NCAM2: variants seen among roughly 807,000 people sequenced by gnomAD.
NCAM2 encodes neural cell adhesion molecule 2.
A neutral mutation model predicts 98.1 loss-of-function variants in NCAM2; 30 were observed. That is an observed-to-expected ratio of 0.31 (90% CI 0.23 to 0.41). NCAM2 has a LOEUF of 0.41. NCAM2 is among the 10% of genes least tolerant of loss of function. NCAM2 has a pLI of 1.00. For synonymous variants in NCAM2, 368 were observed against 342.4 expected (o/e 1.07, Z -0.83); for missense variants, 867 against 1,005.8 (o/e 0.86, Z 1.87).
intron 1 of NCAM2, among the ~76,000 whole-genome samples, chr21:21,272,963 C>CACACACACACACAT (rs1555850124): frequency 8.4e-6 from 1 of 118,424 alleles, no homozygotes; most frequent in Non-Finnish European, 1.8e-5. Context: ...CACACACACA[C>CACACACACACACAT]GGGACATGCA....
At chr21:21,452,509 T>C (rs1190874508) in intron 12 of NCAM2, among the ~76,000 whole-genome samples, 1 of 131,076 alleles carries the variant, frequency 7.6e-6, no homozygotes, top group Admixed American at 9.3e-5. Flanking sequence ...ATATAATATA[T>C]AATATATAAA....
intron 1 of NCAM2, among the ~76,000 whole-genome samples, chr21:21,219,363 T>A (rs1465952979): frequency 2.6e-5 from 4 of 152,202 alleles, no homozygotes; most frequent in Non-Finnish European, 5.9e-5. Context: ...CAACTTAAAT[T>A]GTTTCTACTC....
At chr21:21,459,451 TATATATA>T (rs1982634631) in intron 12 of NCAM2, among the ~76,000 whole-genome samples, 1 of 148,506 alleles carries the variant, frequency 6.7e-6, no homozygotes, top group Non-Finnish European at 1.5e-5. Context: ...ATATTTATAA[TATATATA>T]ATATATATAC....
chr21:21,446,887 C>A (rs913734861), intron 12 of NCAM2, among the ~76,000 whole-genome samples: 1 of 152,022 alleles, frequency 6.6e-6, no homozygotes, highest in Non-Finnish European at 1.5e-5. Flanking sequence ...AAACCACTCT[C>A]AAGGAAATAA....
At chr21:21,139,655 T>G (rs2067127532) in intron 1 of NCAM2, among the ~76,000 whole-genome samples, 1 of 152,232 alleles carries the variant, frequency 6.6e-6, no homozygotes, top group African/African-American at 2.4e-5. Context: ...ATTTTTGGAA[T>G]TTTTACATTC....
chr21:21,530,008 T>A (rs995916517), intron 16 of NCAM2, among the ~76,000 whole-genome samples: 4 of 148,622 alleles, frequency 2.7e-5, no homozygotes, highest in African/African-American at 9.8e-5. Flanking sequence ...AATATTTTAG[T>A]TTCAAAAGCA....
chr21:21,031,200 C>G (rs944974004), intron 1 of NCAM2, among the ~76,000 whole-genome samples: 14 of 152,200 alleles, frequency 9.2e-5, no homozygotes, highest in African/African-American at 2.6e-4. Context: ...AGCTAACATG[C>G]ATTGTTTTAC....
At chr21:21,445,405 G>A (rs1441516600) in intron 12 of NCAM2, among the ~76,000 whole-genome samples, 5 of 152,080 alleles carry the variant, frequency 3.3e-5, no homozygotes, top group African/African-American at 9.7e-5. Flanking sequence ...TTTCTGTCTT[G>A]TTGATTTGTC....
At chr21:21,455,202 C>A in intron 12 of NCAM2, among the ~76,000 whole-genome samples, 1 of 122,356 alleles carries the variant, frequency 8.2e-6, no homozygotes, top group Non-Finnish European at 1.7e-5. Context: ...TAAAAGGAAA[C>A]CTATTGGCAA....
At chr21:21,338,301 TAGTA>T (rs1266602783) in intron 7 of NCAM2, 84 bp from the exon 8 acceptor site, 1 of 1,219,454 alleles carries the variant, frequency 8.2e-7, no homozygotes, top group Non-Finnish European at 1.2e-6. Context: ...TACTATACTA[TAGTA>T]GACTTAAACA....
chr21:21,094,900 T>C (rs2066089240), intron 1 of NCAM2, among the ~76,000 whole-genome samples: 1 of 151,732 alleles, frequency 6.6e-6, no homozygotes, highest in African/African-American at 2.4e-5. Flanking sequence ...ATGAAGAATA[T>C]TGGTATATAT....
At chr21:21,236,236 A>G (rs1275057037) in intron 1 of NCAM2, among the ~76,000 whole-genome samples, 2 of 152,118 alleles carry the variant, frequency 1.3e-5, no homozygotes, top group African/African-American at 4.8e-5. Flanking sequence ...GACATTGATC[A>G]TAATCATAAA....
chr21:21,123,571 A>G (rs1039086921), intron 1 of NCAM2, among the ~76,000 whole-genome samples: 1 of 152,120 alleles, frequency 6.6e-6, no homozygotes, highest in Non-Finnish European at 1.5e-5. Context: ...TCAACCTGCA[A>G]TGTTGTAAGA....
At chr21:21,310,933 A>G (rs553940318) in intron 5 of NCAM2, among the ~76,000 whole-genome samples, 2 of 152,332 alleles carry the variant, frequency 1.3e-5, no homozygotes, top group African/African-American at 4.8e-5. Flanking sequence ...ACAGCTTTAT[A>G]GTAAGTCCCA....
chr21:21,512,791 A>C (rs1212146219), intron 16 of NCAM2, among the ~76,000 whole-genome samples: 6 of 151,904 alleles, frequency 3.9e-5, no homozygotes, highest in African/African-American at 1.4e-4. Context: ...CATTGTAGAG[A>C]TGTTTTACTT....
chr21:21,264,667 A>G (rs919608193), intron 1 of NCAM2, among the ~76,000 whole-genome samples: 4 of 149,466 alleles, frequency 2.7e-5, no homozygotes, highest in South Asian at 2.1e-4. Flanking sequence ...ATATATATAT[A>G]CACACACACA....
intron 1 of NCAM2, among the ~76,000 whole-genome samples, chr21:21,110,357 T>C (rs1284202765): frequency 1.3e-5 from 2 of 151,978 alleles, no homozygotes; most frequent in African/African-American, 4.8e-5. Context: ...TACTCCTTGA[T>C]ACCTTCCAGG....
rs554441132 is a variant in NCAM2 at position 21,237,027 on chromosome 21, TCTG to T, written c.56-43548_56-43546del. Among the ~76,000 whole-genome samples the T allele has an allele frequency of 3.0e-3, 459 of 152,304 alleles. 3 individuals carry two copies. The highest frequency in any genetic ancestry group is 3.8e-3 in the Non-Finnish European group (256 of 67,998). On this transcript the variant is annotated intron_variant, in intron 1 of 17. Coordinates refer to ENST00000400546, the MANE Select transcript of NCAM2 (RefSeq NM_004540.5). ...AGGCCAAACCTGCTAACGTTAGACT[TCTG>T]CTCCTTATTTATGTTTTTATCCCTG...
intron 1 of NCAM2, 54 bp downstream of exon 1, chr21:20,998,672 A>G (rs1034960520): frequency 3.3e-6 from 5 of 1,492,726 alleles, no homozygotes; most frequent in Non-Finnish European, 4.7e-6. Context: ...CCACCCGGCC[A>G]AGAGAGGCAA....
Sources: allele counts gnomAD v4.1 joint callset (sites outside exome capture counted in the v4.1 genomes callset), GRCh38; gene constraint gnomAD v4.1.1; transcripts MANE v1.5; gene names NCBI Gene and HGNC (gene_info 2026-07-23, HGNC 2026-07-21).